PAPPA2: variants seen among roughly 807,000 people sequenced by gnomAD.
PAPPA2 encodes the protein pappalysin 2, also known as pappalysin-2.
PAPPA2 carries 86 observed loss-of-function variants against 176.4 expected under a neutral mutation model. That is an observed-to-expected ratio of 0.49 (90% CI 0.41 to 0.58). PAPPA2 has a LOEUF of 0.58. PAPPA2 is among the 20% of genes least tolerant of loss of function. PAPPA2 has a pLI of 0.00. For synonymous variants in PAPPA2, 809 were observed against 852.2 expected, an observed-to-expected ratio of 0.95 and a Z score of 0.88; for missense variants, 2,073 against 2,256.9, an observed-to-expected ratio of 0.92 and a Z score of 1.65.
chr1:176,646,839 C>A (rs553300944), intron 3 of PAPPA2, among the ~76,000 whole-genome samples: 1 of 151,658 alleles, frequency 6.6e-6, no homozygotes, highest in South Asian at 2.1e-4. Context: ...GCTTCCAAAT[C>A]TTGGCTATTG....
intron 17 of PAPPA2, among the ~76,000 whole-genome samples, chr1:176,779,482 A>T (rs1393512523): frequency 8.2e-6 from 1 of 122,376 alleles, no homozygotes; most frequent in African/African-American, 2.9e-5. Context: ...CTCATCACAC[A>T]CACACACACA....
At position 176,711,872 on chromosome 1, in the gene PAPPA2, G is replaced by A. The variant is rs757371666; in HGVS notation, c.3689G>A (p.Arg1230His). Residue 1230 changes from arginine to histidine, a missense_variant, in exon 12 of 23, where the codon CGT becomes CAT. Transcript: ENST00000367662. ...TACCATCCAGATTTACCCAACCACC[G>A]TCCCCTAACTGGCTGGTTTCCCTGT... ...TSYHPDLPNH[R>H]PLTGWFPCVA... 2.0e-5 allele frequency: 32 copies of A among 1,612,046 alleles called. No individual in the cohort carries two copies. The highest frequency in any genetic ancestry group is 4.4e-5 in the South Asian group (4 of 90,944).
chr1:176,595,291 A>C lies in PAPPA2; in HGVS notation c.1687A>C (p.Ile563Leu). 1 of 1,614,164 alleles carries C rather than the reference A, an allele frequency of 6.2e-7. No individual in the cohort carries two copies. The highest frequency in any genetic ancestry group is 8.5e-7 in the Non-Finnish European group (1 of 1,180,026). The change falls in exon 3 of 23, where the codon ATC (isoleucine) becomes CTC (leucine). Residue 563 changes from isoleucine to leucine, a missense_variant. Physicochemically the swap from Ile to Leu is conservative, Grantham distance 5. This residue lies in a region of PAPPA2 where 1,196 missense variants were observed against 1,330.4 expected (regional missense o/e 0.90). Transcript: ENST00000367662. ...GAATGAGGCCTTCAGCCGCTACAAC[A>C]TCAGCTGGCAGCTGAGCGTCCACCA... is the stretch of plus-strand genomic sequence containing the variant. ...ALNEAFSRYNISWQLSVHQVH... is the reference protein window; with the variant it reads ...ALNEAFSRYNLSWQLSVHQVH...
chr1:176,529,166 G>T (rs887212964), intron 1 of PAPPA2, among the ~76,000 whole-genome samples: 2 of 152,150 alleles, frequency 1.3e-5, no homozygotes, highest in African/African-American at 4.8e-5. Context: ...CCTAGAGTGT[G>T]ACTCAGAACT....
intron 2 of PAPPA2, among the ~76,000 whole-genome samples, chr1:176,577,941 T>A (rs139622006): frequency 6.6e-6 from 1 of 152,266 alleles, no homozygotes; most frequent in African/African-American, 2.4e-5. Flanking sequence ...CTCTGTTTTT[T>A]TGAATAGAGC....
intron 14 of PAPPA2, among the ~76,000 whole-genome samples, chr1:176,747,776 G>A (rs1662977350): frequency 6.6e-6 from 1 of 152,176 alleles, no homozygotes; most frequent in Non-Finnish European, 1.5e-5. Flanking sequence ...CTATAATGAG[G>A]TGTCAGTTAG....
intron 1 of PAPPA2, among the ~76,000 whole-genome samples, chr1:176,465,470 T>A (rs1651574590): frequency 6.6e-6 from 1 of 152,188 alleles, no homozygotes; most frequent in Non-Finnish European, 1.5e-5. Context: ...ACTTGTTAGA[T>A]TAGACGCATT....
At position 176,699,223 on chromosome 1, in the gene PAPPA2, T is replaced by C. The variant is rs1436500912; in HGVS notation, c.2870T>C (p.Phe957Ser). 6.2e-7 allele frequency: 1 copy of C among 1,614,090 alleles called. No individual in the cohort carries two copies. The highest frequency in any genetic ancestry group is 1.7e-5 in the Admixed American group (1 of 60,012). ...PTEGCSLELL[F>S]QHPVQADTLT... is the part of the protein sequence containing the mutation. ...GAAGGCTGTAGCTTGGAGCTGCTCT[T>C]CCAACACCCGGTCCAAGCCGACACC... Residue 957 changes from phenylalanine to serine, a missense_variant, in exon 8 of 23, where the codon TTC (phenylalanine) becomes TCC (serine). By Grantham distance (155) the Phe-to-Ser change is radical (BLOSUM62 -2). This residue lies in a region of PAPPA2 where 1,196 missense variants were observed against 1,330.4 expected (regional missense o/e 0.90). Coordinates refer to ENST00000367662, the MANE Select transcript of PAPPA2 (RefSeq NM_020318.3).
At chr1:176,541,706 T>G (rs921841113) in intron 1 of PAPPA2, among the ~76,000 whole-genome samples, 7 of 152,204 alleles carry the variant, frequency 4.6e-5, no homozygotes, top group African/African-American at 1.7e-4. Flanking sequence ...AGAAGTATTT[T>G]TTGTACTCTT....
chr1:176,740,683 T>A (rs747324818), intron 14 of PAPPA2, among the ~76,000 whole-genome samples: 23 of 152,338 alleles, frequency 1.5e-4, no homozygotes, highest in South Asian at 1.2e-3. Context: ...TTTCTGTGGA[T>A]GTCTGTGATT....
At chr1:176,753,654 T>C (rs1571275144) in intron 14 of PAPPA2, among the ~76,000 whole-genome samples, 1 of 151,708 alleles carries the variant, frequency 6.6e-6, no homozygotes, top group Middle Eastern at 3.5e-3. Context: ...GGTTTCCTTT[T>C]AATGTTCCTG....
At chr1:176,697,151 G>A (rs529144056) in intron 7 of PAPPA2, among the ~76,000 whole-genome samples, 1 of 152,118 alleles carries the variant, frequency 6.6e-6, no homozygotes, top group African/African-American at 2.4e-5. Context: ...TTATCTGAGA[G>A]AGGTAAAAGG....
intron 3 of PAPPA2, among the ~76,000 whole-genome samples, chr1:176,595,968 C>T (rs139398485): frequency 2.6e-3 from 389 of 152,274 alleles, no homozygotes; most frequent in African/African-American, 8.9e-3. Context: ...GCCTAGACAC[C>T]AGTCAATACT....
chr1:176,804,893 G>T (rs569869683), intron 21 of PAPPA2, among the ~76,000 whole-genome samples: 1 of 151,864 alleles, frequency 6.6e-6, no homozygotes, highest in South Asian at 2.1e-4. Flanking sequence ...CCTGTTAAAT[G>T]CTTGTCCAAT....
chr1:176,791,802 C>T (rs911176465), intron 19 of PAPPA2, among the ~76,000 whole-genome samples: 3 of 152,206 alleles, frequency 2.0e-5, no homozygotes, highest in Non-Finnish European at 4.4e-5. Context: ...GATCTGCCCA[C>T]CTCAGCTGGG....
Position 176,690,242 on chromosome 1 carries a change from T to A in PAPPA2, c.2243T>A (p.Val748Asp), listed in dbSNP as rs202064953. ...GGACTCTACCATGTCTTTAAAGGAG[T>A]CAGTGAAAGAGAATCCTGCAATGAC... ...VLGLYHVFKG[V>D]SERESCNDPC... Residue 748 changes from valine (V) to aspartate (D), a missense_variant, in exon 5 of 23, where the codon GTC becomes GAC. Around this residue, in one of 4 missense-constraint regions of PAPPA2, gnomAD observed 1,196 missense variants for 1,330.4 expected, o/e 0.90. Transcript: ENST00000367662. 34 of 1,612,646 alleles carry A rather than the reference T, an allele frequency of 2.1e-5. No individual in the cohort carries two copies. Among genetic ancestry groups the A allele is most frequent in the Non-Finnish European group, 2.6e-5 (31 of 1,179,702 alleles).
chr1:176,574,651 G>A (rs1003553683), intron 2 of PAPPA2, among the ~76,000 whole-genome samples: 1 of 152,152 alleles, frequency 6.6e-6, no homozygotes, highest in African/African-American at 2.4e-5. Flanking sequence ...CTCTCTGGAA[G>A]GCACATGATA....
At chr1:176,689,658 G>A (rs1444202071) in intron 4 of PAPPA2, among the ~76,000 whole-genome samples, 1 of 152,188 alleles carries the variant, frequency 6.6e-6, no homozygotes, top group Non-Finnish European at 1.5e-5. Context: ...GCTGGGATGT[G>A]GAGGGGCAGG....
At chr1:176,534,810 G>A (rs1456710032) in intron 1 of PAPPA2, among the ~76,000 whole-genome samples, 1 of 152,192 alleles carries the variant, frequency 6.6e-6, no homozygotes, top group Non-Finnish European at 1.5e-5. Flanking sequence ...AGTATATAGA[G>A]ATGTGGCTTT....
Sources: gnomAD v4.1 joint callset for allele counts (sites outside exome capture counted in the v4.1 genomes callset) on GRCh38, gnomAD v4.1.1 for gene constraint, gnomAD v4.1.1 regional missense constraint, MANE v1.5 for transcripts, NCBI Gene and HGNC (gene_info 2026-07-23, HGNC 2026-07-21) for gene names.